The following IQCJ variants were observed in gnomAD, a reference collection of about 807,000 sequenced individuals.
The protein encoded by IQCJ is IQ motif containing J.
IQCJ carries 9 observed loss-of-function variants against 11.0 expected under a neutral mutation model. The observed-to-expected ratio is 0.82, with a 90% confidence interval of 0.49 to 1.43. The LOEUF is 1.43. IQCJ is among the 40% of genes most tolerant of loss of function. IQCJ has a pLI of 0.00. For missense variants in IQCJ, 146 were observed against 133.2 expected (o/e 1.10, Z -0.47); for synonymous variants, 55 against 51.3 (o/e 1.07, Z -0.31).
At chr3:159,086,566 A>G (rs1716790584) in intron 1 of IQCJ, among the ~76,000 whole-genome samples, 1 of 152,146 alleles carries the variant, frequency 6.6e-6, no homozygotes, top group Non-Finnish European at 1.5e-5. Context: ...ATATTCTTCC[A>G]TTTGTTTGTA....
At chr3:159,218,357 G>GTT (rs1725349779) in intron 1 of IQCJ, among the ~76,000 whole-genome samples, 1 of 151,596 alleles carries the variant, frequency 6.6e-6, no homozygotes, top group South Asian at 2.1e-4. Flanking sequence ...GTGTGTGTGT[G>GTT]TGTGTGTGTG....
At chr3:159,089,123 G>A (rs1339023068) in intron 1 of IQCJ, among the ~76,000 whole-genome samples, 27 of 152,138 alleles carry the variant, frequency 1.8e-4, no homozygotes, top group East Asian at 3.9e-4. Context: ...TGGTGGTGAC[G>A]AAATCTCTCA....
intron 1 of IQCJ, among the ~76,000 whole-genome samples, chr3:159,105,015 T>C (rs957046428): frequency 4.6e-5 from 7 of 152,192 alleles, no homozygotes; most frequent in African/African-American, 1.7e-4. Context: ...TAGTAGATAT[T>C]CGATAAAAAT....
intron 1 of IQCJ, among the ~76,000 whole-genome samples, chr3:159,081,911 G>A (rs1264779483): frequency 6.6e-6 from 1 of 152,024 alleles, no homozygotes; most frequent in Non-Finnish European, 1.5e-5. Context: ...TTGTATTTCA[G>A]CAATTCATTT....
At chr3:159,131,297 C>T in intron 1 of IQCJ, among the ~76,000 whole-genome samples, 1 of 151,986 alleles carries the variant, frequency 6.6e-6, no homozygotes, top group Non-Finnish European at 1.5e-5. Context: ...GCACTACACA[C>T]CACCCCCCGC....
intron 1 of IQCJ, among the ~76,000 whole-genome samples, chr3:159,211,291 A>G (rs1435816641): frequency 6.6e-6 from 1 of 152,216 alleles, no homozygotes; most frequent in East Asian, 1.9e-4. Flanking sequence ...CTCCAAATTT[A>G]AATCTGTTGC....
chr3:159,257,384 A>G (rs1577120696), intron 3 of IQCJ, among the ~76,000 whole-genome samples: 1 of 152,242 alleles, frequency 6.6e-6, no homozygotes, highest in Admixed American at 6.5e-5. Flanking sequence ...TTATAGATCC[A>G]GGACCCAAAT....
intron 1 of IQCJ, among the ~76,000 whole-genome samples, chr3:159,109,921 G>A (rs1419740045): frequency 2.6e-5 from 4 of 152,280 alleles, no homozygotes; most frequent in African/African-American, 7.2e-5. Context: ...ATACACTAAC[G>A]TGTGGTTTGC....
At chr3:159,180,332 C>T (rs1218393687) in intron 1 of IQCJ, among the ~76,000 whole-genome samples, 1 of 152,146 alleles carries the variant, frequency 6.6e-6, no homozygotes, top group Non-Finnish European at 1.5e-5. Context: ...CACATATACA[C>T]ACTCCTAGTG....
Position 159,069,880 on chromosome 3 carries a change from TGTGTGTGC to T in IQCJ, c.9+446_9+453del, listed in dbSNP as rs1466393567. On this transcript the variant is annotated intron_variant, in intron 1 of 3. Transcript: ENST00000397832. ...GTGTGTGTGTGTGTGTGTGTGTGTGTGTGTGTGCGTGTGTATGGGGAGGAGGTGTTGAT... is the reference window on the plus strand; with the variant it reads ...GTGTGTGTGTGTGTGTGTGTGTGTGTGTGTGTATGGGGAGGAGGTGTTGAT... The T allele has an allele frequency of 1.4e-3, 396 of 292,444 alleles. 5 individuals are homozygous for T. The highest frequency in any genetic ancestry group is 8.2e-3 in the African/African-American group (350 of 42,732). 18.1% of individuals were successfully genotyped at this position (292,444 alleles called of 1,614,324 possible). A position where few individuals can be genotyped will look rare whatever the true frequency, so the allele number is the denominator to read the frequency against.
intron 1 of IQCJ, among the ~76,000 whole-genome samples, chr3:159,107,073 G>C (rs950173915): frequency 1.3e-5 from 2 of 152,052 alleles, no homozygotes; most frequent in Admixed American, 6.6e-5. Context: ...CATATTCAAA[G>C]TGTCCTTTCT....
chr3:159,111,716 G>T (rs1213534890), intron 1 of IQCJ, among the ~76,000 whole-genome samples: 1 of 152,132 alleles, frequency 6.6e-6, no homozygotes, highest in Non-Finnish European at 1.5e-5. Flanking sequence ...AGTCAGCACT[G>T]CATTCACATT....
At chr3:159,224,448 G>T (rs903870340) in intron 1 of IQCJ, among the ~76,000 whole-genome samples, 2 of 152,156 alleles carry the variant, frequency 1.3e-5, no homozygotes, top group African/African-American at 4.8e-5. Context: ...TCTTCTGTGT[G>T]AATATACTAC....
chr3:159,151,612 C>CA (rs1258783285), intron 1 of IQCJ, among the ~76,000 whole-genome samples: 6 of 152,086 alleles, frequency 3.9e-5, no homozygotes, highest in Non-Finnish European at 8.8e-5. Flanking sequence ...AAAACAAAAA[C>CA]AAAAAAACAA....
intron 2 of IQCJ, among the ~76,000 whole-genome samples, chr3:159,249,131 C>T (rs769094356): frequency 6.6e-6 from 1 of 152,168 alleles, no homozygotes; most frequent in Non-Finnish European, 1.5e-5. Context: ...GCTGGGATTA[C>T]AGACGTGAGC....
At chr3:159,253,899 T>C (rs1727746737) in intron 3 of IQCJ, among the ~76,000 whole-genome samples, 1 of 152,174 alleles carries the variant, frequency 6.6e-6, no homozygotes, top group Non-Finnish European at 1.5e-5. Context: ...TACATACCCC[T>C]GTAAATCTAT....
At chr3:159,161,548 G>A (rs1471429731) in intron 1 of IQCJ, among the ~76,000 whole-genome samples, 1 of 152,114 alleles carries the variant, frequency 6.6e-6, no homozygotes, top group Non-Finnish European at 1.5e-5. Context: ...GATCCCATTT[G>A]TCAATTTTGG....
chr3:159,211,234 C>T lies in IQCJ; in HGVS notation c.10-34609C>T, dbSNP rs559007716. Among the ~76,000 whole-genome samples the T allele has an allele frequency of 7.9e-5, 12 of 152,132 alleles. No homozygotes were observed. In the South Asian group the frequency reaches 1.2e-3, roughly 16 times the overall value. On this transcript the variant is annotated intron_variant, in intron 1 of 3. Transcript: ENST00000397832. ...TGGGTGTCAAATATGTGAAGTACAC[C>T]GTTGTGGATGAGGAAGGCCAGGAAG...
At chr3:159,262,417 A>C in intron 3 of IQCJ, 131 bp from the exon 4 acceptor site, 1 of 1,384,322 alleles carries the variant, frequency 7.2e-7, no homozygotes, top group East Asian at 2.4e-5. Flanking sequence ...ACTACATCAC[A>C]TTCTGTATGT....
Sources: allele counts gnomAD v4.1 joint callset (sites outside exome capture counted in the v4.1 genomes callset), GRCh38; gene constraint gnomAD v4.1.1; transcripts MANE v1.5; gene names NCBI Gene and HGNC (gene_info 2026-07-23, HGNC 2026-07-21).